Variants in C2CD3 observed in about 807,000 individuals in gnomAD.
C2CD3 encodes the protein C2 domain containing 3 centriole elongation regulator.
In C2CD3, 148 loss-of-function variants were observed where a neutral mutation model predicts 234.0. That is an observed-to-expected ratio of 0.63 (90% CI 0.55 to 0.72). The LOEUF is 0.72. C2CD3 is among the 30% of genes least tolerant of loss of function. C2CD3 has a pLI of 0.00. For synonymous variants in C2CD3, 1,000 were observed against 1,035.4 expected (o/e 0.97, Z 0.66); for missense variants, 2,577 against 2,811.5 (o/e 0.92, Z 1.89).
intron 3 of C2CD3, among the ~76,000 whole-genome samples, chr11:74,140,490 A>T (rs1048853304): frequency 5.0e-4 from 76 of 152,302 alleles, no homozygotes; most frequent in African/African-American, 1.8e-3. Flanking sequence ...TTCCTCATAT[A>T]GAGAAGATAA....
intron 24 of C2CD3, among the ~76,000 whole-genome samples, chr11:74,064,587 C>G (rs1591372375): frequency 6.6e-6 from 1 of 152,004 alleles, no homozygotes; most frequent in East Asian, 1.9e-4. Flanking sequence ...AGTTCATATG[C>G]AATCAAAAAA....
At chr11:74,114,037 C>A (rs1956843788) in intron 10 of C2CD3, 145 bp from the exon 11 acceptor site, 1 of 601,466 alleles carries the variant, frequency 1.7e-6, no homozygotes, top group Non-Finnish European at 2.9e-6. Flanking sequence ...TTCCACCAAC[C>A]CTGTCTGAGA....
intron 31 of C2CD3, among the ~76,000 whole-genome samples, chr11:74,030,885 A>G (rs920714099): frequency 1.2e-4 from 18 of 152,144 alleles, no homozygotes; most frequent in Admixed American, 9.8e-4. Context: ...AGAAACCTCT[A>G]ATTACACTTT....
chr11:74,022,317 G>A (rs185933461), intron 32 of C2CD3, among the ~76,000 whole-genome samples: 3 of 152,270 alleles, frequency 2.0e-5, no homozygotes, highest in African/African-American at 2.4e-5. Flanking sequence ...TACATGGATG[G>A]TGGCTGAATT....
intron 15 of C2CD3, 103 bp downstream of exon 15, chr11:74,100,422 G>T: frequency 1.9e-6 from 2 of 1,081,058 alleles, no homozygotes; most frequent in South Asian, 1.6e-5. Flanking sequence ...AGTCCTTCAA[G>T]GGATTACTGG....
At chr11:74,152,467 A>G (rs1467459650) in intron 3 of C2CD3, among the ~76,000 whole-genome samples, 6 of 152,238 alleles carry the variant, frequency 3.9e-5, no homozygotes, top group Admixed American at 3.9e-4. Context: ...TCTACTAGAC[A>G]TTTAATCAAT....
Position 74,103,462 on chromosome 11 carries a change from T to G in C2CD3, c.2249A>C (p.Asn750Thr). ...CTTTGCAGTTTCCTCATGAATTTGG[T>G]TTAAGTTTTGTGGATTTTTGGTACA... ...MTCTKNPQNLNQIHEETAKKA... is the reference protein window; with the variant it reads ...MTCTKNPQNLTQIHEETAKKA... The change falls in exon 14 of 33, where the codon AAC (asparagine) becomes ACC (threonine). Residue 750 changes from asparagine to threonine, a missense_variant. Transcript: ENST00000334126. The G allele has an allele frequency of 6.2e-7, 1 of 1,614,214 alleles. No homozygotes were observed. The highest frequency in any genetic ancestry group is 8.5e-7 in the Non-Finnish European group (1 of 1,180,034).
In C2CD3 at chr11:74,114,423, T is replaced by G. The variant is rs1236911583; in HGVS notation, c.1691A>C (p.Tyr564Ser). Residue 564 changes from tyrosine to serine, a missense_variant, in exon 10 of 33, where the codon TAT (tyrosine) becomes TCT (serine). Tyr to Ser is a moderately radical substitution (Grantham distance 144, BLOSUM62 -2). Coordinates refer to ENST00000334126, the MANE Select transcript of C2CD3 (RefSeq NM_001286577.2). ...AGTCACCTTAGGTGGTGGACCAGCA[T>G]AGCTTTTTTTGCCAGGGGTCATCTG... The part of the protein sequence containing the change: ...SPQMTPGKKS[Y>S]AGPPPKVTTA... The G allele has an allele frequency of 1.9e-6, 3 of 1,614,100 alleles. No homozygotes were observed. The highest frequency in any genetic ancestry group is 2.2e-5 in the South Asian group (2 of 91,090).
At position 74,122,896 on chromosome 11, in the gene C2CD3, T is replaced by C. The variant is rs528669671; in HGVS notation, c.1365+92A>G. ...GTCATTAAAATTAAGTAAGGTAAGT[T>C]ATGTAAAATGCATAGCTGTCATGCC... On this transcript the variant is annotated intron_variant, in intron 8 of 32. Coordinates refer to ENST00000334126, the MANE Select transcript of C2CD3 (RefSeq NM_001286577.2). 1.7e-4 allele frequency: 82 copies of C among 477,656 alleles called. 1 individual carries two copies. In the Middle Eastern group the frequency reaches 5.7e-3, roughly 33 times the overall value. The allele number at this position is 477,656 out of a possible 1,614,324, so 29.6% of individuals were successfully genotyped here.
At chr11:74,161,343 C>G in intron 3 of C2CD3, 56 bp downstream of exon 3, 1 of 1,095,878 alleles carries the variant, frequency 9.1e-7, no homozygotes, top group Non-Finnish European at 1.3e-6. Context: ...ACAGACTCAA[C>G]TATTTCTGCC....
At chr11:74,111,036 C>G (rs1044541125) in intron 11 of C2CD3, among the ~76,000 whole-genome samples, 1 of 152,140 alleles carries the variant, frequency 6.6e-6, no homozygotes, top group African/African-American at 2.4e-5. Flanking sequence ...TGGCCAACAA[C>G]AACAATAATG....
At chr11:74,094,052 C>A (rs1036718558) in intron 17 of C2CD3, 53 bp from the exon 18 acceptor site, 2 of 1,432,288 alleles carry the variant, frequency 1.4e-6, no homozygotes, top group Admixed American at 3.6e-5. Flanking sequence ...TTAGTGTTTT[C>A]TTCTTCTTTC....
chr11:74,158,350 T>G (rs765869943), intron 3 of C2CD3, among the ~76,000 whole-genome samples: 6 of 152,166 alleles, frequency 3.9e-5, no homozygotes, highest in Non-Finnish European at 5.9e-5. Flanking sequence ...AAACATTTTT[T>G]TAATTAAATA....
chr11:74,109,634 G>A (rs1465221454), intron 11 of C2CD3: 2 of 152,410 alleles, frequency 1.3e-5, no homozygotes, highest in Middle Eastern at 3.1e-3. Context: ...ATCAGGTACT[G>A]ATGTTAGCTA....
At chr11:74,047,230 T>A (rs118000268) in intron 28 of C2CD3, among the ~76,000 whole-genome samples, 3 of 152,346 alleles carry the variant, frequency 2.0e-5, no homozygotes, top group Non-Finnish European at 4.4e-5. Context: ...TAGCCTTAAA[T>A]GGCTGTCTGT....
At chr11:74,159,167 T>C (rs1036354986) in intron 3 of C2CD3, among the ~76,000 whole-genome samples, 2 of 152,226 alleles carry the variant, frequency 1.3e-5, no homozygotes, top group Admixed American at 1.3e-4. Flanking sequence ...GCGATGCTGA[T>C]GTAAACAAAC....
intron 29 of C2CD3, among the ~76,000 whole-genome samples, chr11:74,037,955 C>T (rs986087890): frequency 6.6e-6 from 1 of 152,148 alleles, no homozygotes; most frequent in Non-Finnish European, 1.5e-5. Flanking sequence ...GCAAAAATGC[C>T]ACTTCCTCAG....
At chr11:74,105,679 T>A (rs757259630) in intron 13 of C2CD3, among the ~76,000 whole-genome samples, 8 of 152,200 alleles carry the variant, frequency 5.3e-5, no homozygotes, top group Non-Finnish European at 1.2e-4. Flanking sequence ...CTCTCTCCAA[T>A]GAATTATATA....
rs375304357 is a variant in C2CD3 at position 74,078,339 on chromosome 11, T to A, written c.4379A>T (p.Lys1460Ile). The A allele has an allele frequency of 6.2e-7, 1 of 1,614,180 alleles. No individual in the cohort carries two copies. The highest frequency in any genetic ancestry group is 1.7e-5 in the Admixed American group (1 of 60,016). ...CTTGAAAGTGACCATAATCTGCTTT[T>A]TGTTTACAGATTCCTTAGGCTTCTT... is the stretch of plus-strand genomic sequence containing the variant. Reference protein sequence around the residue: ...PLKKPKESVNKKQIMVTFKAS... With the variant: ...PLKKPKESVNIKQIMVTFKAS... The change falls in exon 23 of 33, where the codon AAA becomes ATA. Residue 1460 changes from lysine to isoleucine, a missense_variant. By Grantham distance (102) the Lys-to-Ile change is moderately radical. Transcript: ENST00000334126.
Sources: allele counts gnomAD v4.1 joint callset (sites outside exome capture counted in the v4.1 genomes callset), GRCh38; gene constraint gnomAD v4.1.1; transcripts MANE v1.5; gene names NCBI Gene and HGNC (gene_info 2026-07-23, HGNC 2026-07-21).